The following BRINP3 variants were observed in gnomAD, a reference collection of about 807,000 sequenced individuals.
BRINP3 encodes BMP/retinoic acid-inducible neural-specific protein 3.
Under a neutral mutation model 71.0 loss-of-function variants are expected in BRINP3, and 19 were observed. The observed-to-expected ratio is 0.27, with a 90% confidence interval of 0.19 to 0.39. BRINP3 has a LOEUF of 0.39. Among genes scored for constraint, BRINP3 ranks in the 10% least tolerant of loss-of-function variants. The pLI is 1.00. For synonymous variants in BRINP3, 380 were observed against 337.7 expected, an observed-to-expected ratio of 1.13 and a Z score of -1.37; for missense variants, 959 against 940.8, an observed-to-expected ratio of 1.02 and a Z score of -0.25.
At chr1:190,290,742 T>C (rs767867564) in intron 2 of BRINP3, among the ~76,000 whole-genome samples, 6 of 152,114 alleles carry the variant, frequency 3.9e-5, no homozygotes, top group Non-Finnish European at 8.8e-5. Flanking sequence ...GAGAGAAGAT[T>C]GTTAGAAATA....
chr1:190,132,806 TG>T (rs1170367256), intron 7 of BRINP3, among the ~76,000 whole-genome samples: 2 of 152,112 alleles, frequency 1.3e-5, no homozygotes, highest in African/African-American at 4.8e-5. Flanking sequence ...CTGATGAAAA[TG>T]ACTGTAACTT....
At chr1:190,301,532 T>TTCC (rs1664738614) in intron 2 of BRINP3, among the ~76,000 whole-genome samples, 1 of 151,138 alleles carries the variant, frequency 6.6e-6, no homozygotes, top group Non-Finnish European at 1.5e-5. Context: ...CATTTATCTC[T>TTCC]TTCCTTCCTT....
chr1:190,473,354 C>T (rs1295608562), intron 1 of BRINP3, among the ~76,000 whole-genome samples: 1 of 151,856 alleles, frequency 6.6e-6, no homozygotes, highest in Non-Finnish European at 1.5e-5. Flanking sequence ...AATTATCTTT[C>T]TTATTTCTTC....
intron 7 of BRINP3, among the ~76,000 whole-genome samples, chr1:190,160,354 G>A (rs1657239428): frequency 6.6e-6 from 1 of 151,822 alleles, no homozygotes; most frequent in African/African-American, 2.4e-5. Flanking sequence ...TGTAACCATA[G>A]GGCTTTGTGC....
intron 7 of BRINP3, among the ~76,000 whole-genome samples, chr1:190,154,589 G>A (rs528164887): frequency 6.6e-6 from 1 of 152,166 alleles, no homozygotes; most frequent in East Asian, 1.9e-4. Context: ...TCTCCTAGTG[G>A]GGATATATTC....
At chr1:190,257,025 T>C (rs1049514841) in intron 4 of BRINP3, among the ~76,000 whole-genome samples, 1 of 152,194 alleles carries the variant, frequency 6.6e-6, no homozygotes, top group Admixed American at 6.5e-5. Context: ...TGAATTTGAA[T>C]GTTGGCCTGA....
At chr1:190,377,946 A>G (rs976426998) in intron 2 of BRINP3, among the ~76,000 whole-genome samples, 1 of 152,120 alleles carries the variant, frequency 6.6e-6, no homozygotes, top group East Asian at 1.9e-4. Context: ...AGATAACACT[A>G]CTACTCTAAA....
intron 6 of BRINP3, among the ~76,000 whole-genome samples, chr1:190,184,376 A>G (rs1230923305): frequency 6.6e-6 from 1 of 152,164 alleles, no homozygotes; most frequent in African/African-American, 2.4e-5. Context: ...CAATCCCATT[A>G]TTGTTTATAT....
intron 4 of BRINP3, among the ~76,000 whole-genome samples, chr1:190,262,355 T>C (rs1661259071): frequency 6.6e-6 from 1 of 152,184 alleles, no homozygotes; most frequent in Non-Finnish European, 1.5e-5. Context: ...CTCTCCACTC[T>C]TTCCTATTCC....
At chr1:190,273,345 C>T (rs944544875) in intron 3 of BRINP3, among the ~76,000 whole-genome samples, 1 of 151,448 alleles carries the variant, frequency 6.6e-6, no homozygotes, top group African/African-American at 2.4e-5. Flanking sequence ...CAAAGGACAT[C>T]CACACATTTT....
chr1:190,263,924 A>T (rs1661421381), intron 4 of BRINP3, among the ~76,000 whole-genome samples: 2 of 152,112 alleles, frequency 1.3e-5, no homozygotes, highest in African/African-American at 4.8e-5. Context: ...ATGAACACAC[A>T]TTAATTTTAG....
intron 4 of BRINP3, among the ~76,000 whole-genome samples, chr1:190,252,022 GATT>G (rs1660194173): frequency 6.6e-6 from 1 of 152,108 alleles, no homozygotes; most frequent in East Asian, 1.9e-4. Flanking sequence ...CTCTACTAAA[GATT>G]TGTCAGATAC....
chr1:190,285,557 C>T (rs1285907989), intron 2 of BRINP3, among the ~76,000 whole-genome samples: 2 of 151,810 alleles, frequency 1.3e-5, no homozygotes, highest in African/African-American at 4.8e-5. Flanking sequence ...CGAGATCATG[C>T]CACTGCCCTC....
intron 2 of BRINP3, among the ~76,000 whole-genome samples, chr1:190,282,071 C>T (rs1416140827): frequency 6.6e-6 from 1 of 151,294 alleles, no homozygotes. Context: ...AGTAACAAAA[C>T]AACTTAAGGG....
chr1:190,154,712 A>G (rs958896204), intron 7 of BRINP3, among the ~76,000 whole-genome samples: 2 of 152,164 alleles, frequency 1.3e-5, no homozygotes, highest in African/African-American at 4.8e-5. Context: ...CTGCATGTCA[A>G]AACAAGACAC....
At chr1:190,326,675 A>G (rs532939477) in intron 2 of BRINP3, among the ~76,000 whole-genome samples, 7 of 152,246 alleles carry the variant, frequency 4.6e-5, no homozygotes, top group African/African-American at 9.6e-5. Context: ...AGAAAATCCA[A>G]TCAAGAATTT....
rs1665689467 is a variant in BRINP3 at position 190,313,702 on chromosome 1, T to A, written c.237-31952A>T. Among the ~76,000 whole-genome samples the A allele has an allele frequency of 2.0e-5, 3 of 152,002 alleles. No homozygotes were observed. In the South Asian group the frequency reaches 6.2e-4, roughly 32 times the overall value. On this transcript the variant is annotated intron_variant, in intron 2 of 7. Coordinates refer to ENST00000367462, the MANE Select transcript of BRINP3 (RefSeq NM_199051.3). ...TTTATCCTCAAAACAACCCTTGAGA[T>A]AGCTACTTGGATTCTTCTTATATTT...
At chr1:190,256,948 T>A (rs1170759097) in intron 4 of BRINP3, among the ~76,000 whole-genome samples, 2 of 152,158 alleles carry the variant, frequency 1.3e-5, no homozygotes, top group Non-Finnish European at 2.9e-5. Flanking sequence ...CCTTGGTGAA[T>A]CTGACAATTA....
intron 2 of BRINP3, among the ~76,000 whole-genome samples, chr1:190,289,104 G>T (rs1234912981): frequency 2.0e-5 from 3 of 151,696 alleles, no homozygotes; most frequent in African/African-American, 7.3e-5. Context: ...TTCACATATT[G>T]CTTCATTTCA....
Sources: gnomAD v4.1 joint callset for allele counts (sites outside exome capture counted in the v4.1 genomes callset) on GRCh38, gnomAD v4.1.1 for gene constraint, MANE v1.5 for transcripts, NCBI Gene and HGNC (gene_info 2026-07-23, HGNC 2026-07-21) for gene names.